The following CBL variants were observed in gnomAD, a reference collection of about 807,000 sequenced individuals.
The protein encoded by CBL is Cbl proto-oncogene.
In CBL, 45 loss-of-function variants were observed where a neutral mutation model predicts 96.9. The observed-to-expected ratio is 0.46, with a 90% CI of 0.37 to 0.60. The LOEUF is 0.60. Among genes scored for constraint, CBL ranks in the 20% least tolerant of loss-of-function variants. The pLI is 0.00. For synonymous variants in CBL, 420 were observed against 426.8 expected, an observed-to-expected ratio of 0.98 and a Z score of 0.20; for missense variants, 1,024 against 1,143.5, an observed-to-expected ratio of 0.90 and a Z score of 1.51.
intron 6 of CBL, among the ~76,000 whole-genome samples, chr11:119,277,237 T>TCACACACACACACACACA (rs1478200397): frequency 1.1e-3 from 64 of 57,896 alleles, no homozygotes; most frequent in African/African-American, 6.4e-3. Context: ...TAAGAATCTG[T>TCACACACACACACACACA]CGCGCACACA....
intron 2 of CBL, among the ~76,000 whole-genome samples, chr11:119,266,726 G>A (rs540964274): frequency 2.0e-5 from 3 of 152,280 alleles, no homozygotes; most frequent in African/African-American, 7.2e-5. Flanking sequence ...AGTAGAATTT[G>A]TAGTTCCGTA....
Position 119,288,838 on chromosome 11 carries a change from A to G in CBL, c.2036+892A>G, listed in dbSNP as rs1950004400. 2.6e-5 allele frequency among the ~76,000 whole-genome samples: 4 copies of G among 152,212 alleles called. No individual in the cohort carries two copies. The South Asian group carries it at 8.3e-4, about 32-fold the overall frequency. ...TGACTGTGTTTATTGATGAAAATCT[A>G]TGCGCACACTGAGAATAAGGGCTTC... On this transcript the variant is annotated intron_variant, in intron 12 of 15. Coordinates refer to ENST00000264033, the MANE Select transcript of CBL (RefSeq NM_005188.4).
At chr11:119,255,309 A>G (rs1478086411) in intron 2 of CBL, among the ~76,000 whole-genome samples, 1 of 152,114 alleles carries the variant, frequency 6.6e-6, no homozygotes. Context: ...TTGCTAAGCA[A>G]TCCAGAAAGA....
chr11:119,289,121 A>G (rs563759799), intron 12 of CBL, among the ~76,000 whole-genome samples: 4 of 152,202 alleles, frequency 2.6e-5, no homozygotes, highest in Non-Finnish European at 4.4e-5. Flanking sequence ...GGTAATTTGT[A>G]TCACCCTCAG....
intron 8 of CBL, 47 bp from the exon 9 acceptor site, chr11:119,278,463 T>C (rs2135304273): frequency 6.4e-7 from 1 of 1,563,760 alleles, no homozygotes; most frequent in Admixed American, 1.7e-5. Flanking sequence ...ATTAATATTT[T>C]AAGTATTTTC....
intron 9 of CBL, among the ~76,000 whole-genome samples, chr11:119,279,904 C>T (rs1223570301): frequency 1.3e-5 from 2 of 152,184 alleles, no homozygotes; most frequent in African/African-American, 4.8e-5. Flanking sequence ...TAAGACAAGG[C>T]TTTCAAGGAG....
chr11:119,298,615 C>T (rs1297705448), intron 15 of CBL, 75 bp downstream of exon 15: 1 of 1,294,078 alleles, frequency 7.7e-7, no homozygotes, highest in African/African-American at 1.5e-5. Flanking sequence ...AGGGAGATGA[C>T]CTTCTCTGGT....
intron 1 of CBL, among the ~76,000 whole-genome samples, chr11:119,225,724 CTTTT>C (rs57084908): frequency 8.8e-5 from 9 of 102,464 alleles, no homozygotes; most frequent in African/African-American, 3.2e-4. Context: ...TAAATATTTT[CTTTT>C]TTTTTTTTTT....
intron 1 of CBL, among the ~76,000 whole-genome samples, chr11:119,207,024 G>T (rs1050512301): frequency 6.6e-6 from 1 of 152,076 alleles, no homozygotes; most frequent in African/African-American, 2.4e-5. Flanking sequence ...TGATGTACCG[G>T]CTGGGGCTCT....
chr11:119,248,475 G>A (rs544311261), intron 2 of CBL, among the ~76,000 whole-genome samples: 8 of 152,122 alleles, frequency 5.3e-5, no homozygotes, highest in African/African-American at 1.7e-4. Flanking sequence ...GCAGAAGGAT[G>A]GGCCAAAAAA....
Position 119,278,263 on chromosome 11 carries a change from A to C in CBL, c.1193A>C (p.His398Pro), listed in dbSNP as rs1303812580. ...DKDVKIEPCG[H>P]LMCTSCLTSW... ...GATGTAAAGATTGAGCCCTGTGGAC[A>C]CCTCATGTGCACATCCTGTCTTACA... The change falls in exon 8 of 16, where the codon CAC (histidine) becomes CCC (proline). Residue 398 changes from histidine (H) to proline (P), a missense_variant. By Grantham distance (77) the His-to-Pro change is moderately conservative. Around this residue, in one of 4 missense-constraint regions of CBL, gnomAD observed 695 missense variants for 661.6 expected, o/e 1.05. Coordinates refer to ENST00000264033, the MANE Select transcript of CBL (RefSeq NM_005188.4). 3 of 1,613,834 alleles carry C rather than the reference A, an allele frequency of 1.9e-6. No homozygotes were observed. The highest frequency in any genetic ancestry group is 1.7e-6 in the Non-Finnish European group (2 of 1,179,850).
At chr11:119,292,699 C>T (rs949701205) in intron 12 of CBL, among the ~76,000 whole-genome samples, 26 of 152,292 alleles carry the variant, frequency 1.7e-4, no homozygotes, top group African/African-American at 5.3e-4. Context: ...GGATTACAGG[C>T]GTGAGCCACT....
Position 119,276,023 on chromosome 11 carries a change from G to C in CBL, c.896G>C (p.Arg299Pro), listed in dbSNP as rs1365243839. 1 of 1,613,992 alleles carries C rather than the reference G, an allele frequency of 6.2e-7. No individual in the cohort carries two copies. Among genetic ancestry groups the C allele is most frequent in the Admixed American group, 1.7e-5 (1 of 60,002 alleles). Residue 299 changes from arginine (R) to proline (P), a missense_variant, in exon 6 of 16, where the codon CGT becomes CCT. Around this residue, in one of 4 missense-constraint regions of CBL, gnomAD observed 192 missense variants for 321.8 expected, o/e 0.60. Coordinates refer to ENST00000264033, the MANE Select transcript of CBL (RefSeq NM_005188.4). ...GSYIFRLSCT[R>P]LGQWAIGYVT... ...TATATCTTCCGGCTGAGCTGTACTC[G>C]TCTGGGTCAGTGGGCTATTGGGTAT...
At chr11:119,278,144 T>G in intron 7 of CBL, 22 bp from the exon 8 acceptor site, 1 of 1,544,730 alleles carries the variant, frequency 6.5e-7, no homozygotes, top group South Asian at 1.1e-5. Context: ...ACTAATAGTC[T>G]TTTAATTTTT....
At chr11:119,238,665 A>T (rs926643831) in intron 2 of CBL, among the ~76,000 whole-genome samples, 1 of 152,118 alleles carries the variant, frequency 6.6e-6, no homozygotes, top group Admixed American at 6.5e-5. Context: ...TCCCGTCTCT[A>T]CTAAAAATAC....
At chr11:119,219,497 A>G (rs959787842) in intron 1 of CBL, among the ~76,000 whole-genome samples, 1 of 152,032 alleles carries the variant, frequency 6.6e-6, no homozygotes, top group Admixed American at 6.6e-5. Flanking sequence ...TGGATGGAAG[A>G]CATGCACAGA....
intron 1 of CBL, among the ~76,000 whole-genome samples, chr11:119,207,524 G>C (rs1181269153): frequency 6.6e-6 from 1 of 151,982 alleles, no homozygotes; most frequent in South Asian, 2.1e-4. Flanking sequence ...TTTGCTTTTT[G>C]CAAGTGCGAA....
At chr11:119,225,377 G>A (rs781167219) in intron 1 of CBL, among the ~76,000 whole-genome samples, 5 of 151,754 alleles carry the variant, frequency 3.3e-5, no homozygotes, top group Non-Finnish European at 7.4e-5. Context: ...GATTACAGGT[G>A]TGAGTTACTG....
At chr11:119,247,581 C>G (rs1353387566) in intron 2 of CBL, among the ~76,000 whole-genome samples, 3 of 152,182 alleles carry the variant, frequency 2.0e-5, no homozygotes, top group African/African-American at 4.8e-5. Context: ...GAGGCCGAGG[C>G]AGACGGATTG....
Sources: allele counts gnomAD v4.1 joint callset (sites outside exome capture counted in the v4.1 genomes callset), GRCh38; gene constraint gnomAD v4.1.1; regional missense constraint gnomAD v4.1.1; transcripts MANE v1.5; gene names NCBI Gene and HGNC (gene_info 2026-07-23, HGNC 2026-07-21).